The following BACH2 variants were observed in gnomAD, a reference collection of about 807,000 sequenced individuals.
BACH2 encodes the protein BACH transcriptional regulator 2.
Under a neutral mutation model 61.8 loss-of-function variants are expected in BACH2, and 5 were observed. That is an observed-to-expected ratio of 0.08 (90% CI 0.04 to 0.17). BACH2 has a LOEUF of 0.17. Ranked by LOEUF, BACH2 falls within the 10% of genes least tolerant of loss-of-function variation. The pLI is 1.00. For synonymous variants in BACH2, 446 were observed against 440.1 expected, an observed-to-expected ratio of 1.01 and a Z score of -0.17; for missense variants, 824 against 1,091.1, an observed-to-expected ratio of 0.76 and a Z score of 3.45.
chr6:90,018,110 T>G (rs1010249662), intron 5 of BACH2, among the ~76,000 whole-genome samples: 3 of 152,204 alleles, frequency 2.0e-5, no homozygotes, highest in African/African-American at 7.2e-5. Context: ...TGTTTTCTAG[T>G]CTGGCTGGTA....
rs190764859 is a variant in BACH2, at chr6:89,983,755, T to C, written c.243+24847A>G. ...CCATATTGGCCAGTGCAGAAGAACA[T>C]TTCCATCATCACAGAAAAGGCTACT... On this transcript the variant is annotated intron_variant, in intron 6 of 8. Transcript: ENST00000257749. Among the ~76,000 whole-genome samples the C allele has an allele frequency of 3.5e-3, 527 of 152,340 alleles. 1 individual carries two copies. Among genetic ancestry groups the C allele is most frequent in the African/African-American group, 0.012 (516 of 41,586 alleles).
At position 90,188,760 on chromosome 6, in the gene BACH2, G is replaced by GAAA. The variant is rs57618295; in HGVS notation, c.-162+17806_-162+17808dup. Among the ~76,000 whole-genome samples the GAAA allele has an allele frequency of 4.6e-3, 365 of 78,720 alleles. 2 individuals carry two copies. Among genetic ancestry groups the GAAA allele is most frequent in the African/African-American group, 0.015 (334 of 21,764 alleles). 51.6% of individuals were successfully genotyped at this position (78,720 alleles called of 152,430 possible). On this transcript the variant is annotated intron_variant, in intron 4 of 8. Transcript: ENST00000257749. The stretch of plus-strand genomic sequence containing the variant: ...TAATAAGGTCTGGTGGCCCCAAAAT[G>GAAA]AAAAAAAAAAAAAAAAAAAGCGAAA...
intron 5 of BACH2, among the ~76,000 whole-genome samples, chr6:90,033,434 T>C (rs1209842831): frequency 6.6e-6 from 1 of 151,826 alleles, no homozygotes; most frequent in Non-Finnish European, 1.5e-5. Context: ...TGTGCTTTAG[T>C]TCTACTCACA....
chr6:90,218,891 G>C (rs1195529694), intron 3 of BACH2, among the ~76,000 whole-genome samples: 1 of 151,560 alleles, frequency 6.6e-6, no homozygotes, highest in Non-Finnish European at 1.5e-5. Context: ...GGGGGACATG[G>C]CCTGGGCTGT....
At chr6:89,954,719 A>C (rs990367914) in intron 6 of BACH2, among the ~76,000 whole-genome samples, 1 of 152,084 alleles carries the variant, frequency 6.6e-6, no homozygotes, top group African/African-American at 2.4e-5. Flanking sequence ...GCTGATGCTT[A>C]AATGTATGAA....
At chr6:90,132,142 GCTAT>G (rs1485918351) in intron 4 of BACH2, among the ~76,000 whole-genome samples, 1 of 152,214 alleles carries the variant, frequency 6.6e-6, no homozygotes, top group Non-Finnish European at 1.5e-5. Flanking sequence ...AAGAGAGGAA[GCTAT>G]CTAAGTCCTA....
intron 2 of BACH2, among the ~76,000 whole-genome samples, chr6:90,262,579 C>A (rs555245357): frequency 1.3e-5 from 2 of 152,166 alleles, no homozygotes; most frequent in Non-Finnish European, 2.9e-5. Flanking sequence ...CAGACCCAAT[C>A]TCCGAAGTTT....
intron 6 of BACH2, among the ~76,000 whole-genome samples, chr6:89,985,580 T>C (rs1453530042): frequency 6.6e-6 from 1 of 152,212 alleles, no homozygotes; most frequent in Non-Finnish European, 1.5e-5. Flanking sequence ...TGAGATCATC[T>C]GAACTGGTTA....
chr6:90,198,376 C>T (rs1010370494), intron 4 of BACH2, among the ~76,000 whole-genome samples: 1 of 152,190 alleles, frequency 6.6e-6, no homozygotes, highest in Non-Finnish European at 1.5e-5. Flanking sequence ...TCAGTTAGAA[C>T]CCGACAGATG....
At chr6:90,245,430 A>G (rs763554855) in intron 3 of BACH2, among the ~76,000 whole-genome samples, 4 of 152,204 alleles carry the variant, frequency 2.6e-5, no homozygotes, top group Admixed American at 1.3e-4. Context: ...GTTTCTAACA[A>G]GAAAATTTAA....
intron 4 of BACH2, among the ~76,000 whole-genome samples, chr6:90,142,840 A>G (rs1332104372): frequency 2.0e-5 from 3 of 152,198 alleles, no homozygotes; most frequent in Non-Finnish European, 4.4e-5. Flanking sequence ...AATTAGGGAA[A>G]TAGTATTAAG....
chr6:90,101,002 G>A (rs1371452271), intron 4 of BACH2, among the ~76,000 whole-genome samples: 1 of 152,154 alleles, frequency 6.6e-6, no homozygotes, highest in Non-Finnish European at 1.5e-5. Context: ...AATGACCAAT[G>A]ATGCTGAACA....
chr6:90,123,004 G>A (rs1022119738), intron 4 of BACH2, among the ~76,000 whole-genome samples: 2 of 152,166 alleles, frequency 1.3e-5, no homozygotes, highest in African/African-American at 2.4e-5. Flanking sequence ...AAGGAGTAGG[G>A]GGTTGAATTG....
chr6:90,130,683 G>C (rs1305712918), intron 4 of BACH2, among the ~76,000 whole-genome samples: 2 of 152,152 alleles, frequency 1.3e-5, no homozygotes, highest in Non-Finnish European at 2.9e-5. Flanking sequence ...TGAACAGCTG[G>C]TACAGGCCAG....
At chr6:90,170,214 T>A (rs1319238037) in intron 4 of BACH2, among the ~76,000 whole-genome samples, 1 of 152,204 alleles carries the variant, frequency 6.6e-6, no homozygotes, top group Non-Finnish European at 1.5e-5. Context: ...GTCTTACTTT[T>A]AAAATATCTT....
At position 90,240,096 on chromosome 6, in the gene BACH2, T is replaced by C. The variant is rs952789957; in HGVS notation, c.-275+12417A>G. 5.9e-5 allele frequency among the ~76,000 whole-genome samples: 9 copies of C among 152,262 alleles called. No individual in the cohort carries two copies. The East Asian group carries it at 1.7e-3, about 29-fold the overall frequency. On this transcript the variant is annotated intron_variant, in intron 3 of 8. Coordinates refer to ENST00000257749, the MANE Select transcript of BACH2 (RefSeq NM_021813.4). ...TTATTTGAATTAAGCATTAAAAAAA[T>C]TCATCTTACAAGTAACAGGTATATC...
chr6:90,104,100 T>A (rs999981174), intron 4 of BACH2, among the ~76,000 whole-genome samples: 1 of 152,148 alleles, frequency 6.6e-6, no homozygotes, highest in Non-Finnish European at 1.5e-5. Flanking sequence ...CCCCTGATAT[T>A]ATTTCCAAAA....
At chr6:89,991,472 C>T (rs781269458) in intron 6 of BACH2, among the ~76,000 whole-genome samples, 20 of 152,056 alleles carry the variant, frequency 1.3e-4, no homozygotes, top group South Asian at 4.1e-4. Flanking sequence ...TAAGCGTGCA[C>T]GCGCATGCAC....
At chr6:89,939,296 C>A (rs570722774) in intron 7 of BACH2, among the ~76,000 whole-genome samples, 1 of 152,286 alleles carries the variant, frequency 6.6e-6, no homozygotes, top group South Asian at 2.1e-4. Context: ...ATTCTCTAGC[C>A]CCAGTCAAAC....
Sources: allele counts gnomAD v4.1 joint callset (sites outside exome capture counted in the v4.1 genomes callset), GRCh38; gene constraint gnomAD v4.1.1; transcripts MANE v1.5; gene names NCBI Gene and HGNC (gene_info 2026-07-23, HGNC 2026-07-21).